VEGFD: variants seen among roughly 807,000 people sequenced by gnomAD.
VEGFD encodes the protein vascular endothelial growth factor D, also known as c-fos induced growth factor (vascular endothelial growth factor D).
In VEGFD, 26 loss-of-function variants were observed where a neutral mutation model predicts 28.0. The observed-to-expected ratio is 0.93, with a 90% confidence interval of 0.68 to 1.29. VEGFD has a LOEUF of 1.29. Ranked by LOEUF, VEGFD falls within the 50% of genes most tolerant of loss-of-function variation. VEGFD has a pLI of 0.00. For missense variants in VEGFD, 294 were observed against 273.4 expected, an observed-to-expected ratio of 1.08 and a Z score of -0.53; for synonymous variants, 93 against 95.5, an observed-to-expected ratio of 0.97 and a Z score of 0.15.
chrX:15,372,601 A>T (rs1467053565), intron 1 of VEGFD, among the ~76,000 whole-genome samples: 1 of 110,961 alleles, frequency 9.0e-6, no homozygotes. Flanking sequence ...TTTAAAAAAA[A>T]ACTTCCCAGG....
rs1277535983 is a variant in VEGFD at position 15,347,072 on chromosome X, G to C, written c.938+92C>G. 6 of 866,460 alleles carry C rather than the reference G, an allele frequency of 6.9e-6. No individual in the cohort carries two copies. In the African/African-American group the frequency reaches 1.0e-4, roughly 15 times the overall value. The allele number at this position is 866,460 out of a possible 1,213,427, so 71.4% of individuals were successfully genotyped here. ...TCCAAAAGGGACTCAGGCACCAAGG[G>C]GAAAAATTAGCTTACTAAGGAATCC... On this transcript the variant is annotated intron_variant, in intron 6 of 6. Coordinates refer to ENST00000297904, the MANE Select transcript of VEGFD (RefSeq NM_004469.5).
intron 5 of VEGFD, 114 bp from the exon 6 acceptor site, chrX:15,347,473 T>C: frequency 1.9e-6 from 1 of 530,718 alleles, no homozygotes. Context: ...CCCAATCTCC[T>C]TCCTATAGAT....
chrX:15,363,251 T>C lies in VEGFD; in HGVS notation c.159A>G (p.Leu53=). ...QIRAASSLEE[L]LRITHSEDWK... ...AGTCCTCAGAGTGAGTAATTCGAAGTAGTTCCTCCAAACTAGAAGCAGCCC... is the reference window on the plus strand; with the variant it reads ...AGTCCTCAGAGTGAGTAATTCGAAGCAGTTCCTCCAAACTAGAAGCAGCCC... Residue 53 remains leucine (L), a synonymous_variant, in exon 2 of 7, where the codon CTA becomes CTG. Coordinates refer to ENST00000297904, the MANE Select transcript of VEGFD (RefSeq NM_004469.5). The C allele has an allele frequency of 8.3e-7, 1 of 1,211,382 alleles. No homozygotes were observed. Among genetic ancestry groups the C allele is most frequent in the Non-Finnish European group, 1.1e-6 (1 of 895,150 alleles).
intron 1 of VEGFD, among the ~76,000 whole-genome samples, chrX:15,377,442 AT>A (rs1307628743): frequency 8.9e-6 from 1 of 111,773 alleles, no homozygotes; most frequent in Non-Finnish European, 1.9e-5. Flanking sequence ...AAATCAGTGA[AT>A]TTTTTTTATT....
At chrX:15,351,176 C>T (rs1261457794) in intron 5 of VEGFD, among the ~76,000 whole-genome samples, 2 of 89,905 alleles carry the variant, frequency 2.2e-5, no homozygotes, top group East Asian at 3.5e-4. Context: ...AGTGCAGTGG[C>T]GGGATCTCGG....
At chrX:15,359,013 G>T (rs1435536614) in intron 2 of VEGFD, among the ~76,000 whole-genome samples, 5 of 111,495 alleles carry the variant, frequency 4.5e-5, no homozygotes, top group African/African-American at 6.5e-5. Context: ...ACAACACAAA[G>T]ACTTCCTTGT....
At chrX:15,371,079 C>T (rs1017238834) in intron 1 of VEGFD, among the ~76,000 whole-genome samples, 4 of 111,511 alleles carry the variant, frequency 3.6e-5, no homozygotes, top group African/African-American at 9.8e-5. Context: ...ATTGTCATAC[C>T]AGGAAATGAG....
At chrX:15,351,167 G>C (rs1185026889) in intron 5 of VEGFD, among the ~76,000 whole-genome samples, 1 of 90,997 alleles carries the variant, frequency 1.1e-5, no homozygotes, top group African/African-American at 4.1e-5. Context: ...CCAGGCTGGA[G>C]TGCAGTGGCG....
intron 5 of VEGFD, among the ~76,000 whole-genome samples, chrX:15,351,116 T>C (rs1922708931): frequency 2.1e-5 from 2 of 93,379 alleles, no homozygotes; most frequent in African/African-American, 7.8e-5. Context: ...GTTTTCTTTT[T>C]TTTTTTTTTC....
intron 1 of VEGFD, among the ~76,000 whole-genome samples, chrX:15,374,293 T>C (rs754809643): frequency 8.9e-6 from 1 of 112,357 alleles, no homozygotes; most frequent in Admixed American, 9.5e-5. Flanking sequence ...AGTAGCTTTA[T>C]TCACAATAGC....
chrX:15,353,456 C>A (rs1249155247), intron 4 of VEGFD, among the ~76,000 whole-genome samples: 4 of 112,377 alleles, frequency 3.6e-5, no homozygotes, highest in Non-Finnish European at 5.6e-5. Flanking sequence ...TTTAAAGGAG[C>A]GGGCCAGGTG....
intron 6 of VEGFD, among the ~76,000 whole-genome samples, chrX:15,346,806 C>T (rs1484453444): frequency 9.0e-6 from 1 of 110,733 alleles, no homozygotes; most frequent in Non-Finnish European, 1.9e-5. Flanking sequence ...TGGCACGTGC[C>T]TGTAATCCCA....
chrX:15,348,601 T>C (rs1922612955), intron 5 of VEGFD, among the ~76,000 whole-genome samples: 1 of 112,487 alleles, frequency 8.9e-6, no homozygotes, highest in Admixed American at 9.4e-5. Context: ...GTTGCCCTGA[T>C]ATTCCAGTGC....
chrX:15,350,739 T>A (rs74619491), intron 5 of VEGFD, among the ~76,000 whole-genome samples: 24 of 104,536 alleles, frequency 2.3e-4, no homozygotes, highest in South Asian at 4.5e-4. Flanking sequence ...CTTTCTATCC[T>A]TCCTTCCTTC....
chrX:15,366,799 A>G (rs1373327268), intron 1 of VEGFD, among the ~76,000 whole-genome samples: 1 of 112,116 alleles, frequency 8.9e-6, no homozygotes, highest in Non-Finnish European at 1.9e-5. Flanking sequence ...CTGAAGCTAA[A>G]TTTTTGATGG....
chrX:15,350,811 T>TTCTTTC (rs1922682227), intron 5 of VEGFD, among the ~76,000 whole-genome samples: 3 of 101,150 alleles, frequency 3.0e-5, no homozygotes, highest in South Asian at 4.7e-4. Context: ...CTTTCTTTCT[T>TTCTTTC]TCTCTCTCTC....
chrX:15,372,951 G>A (rs183821146), intron 1 of VEGFD, among the ~76,000 whole-genome samples: 2 of 111,400 alleles, frequency 1.8e-5, no homozygotes, highest in African/African-American at 6.5e-5. Context: ...CAACAATATC[G>A]CTTTTCAGGC....
intron 1 of VEGFD, 139 bp from the exon 2 acceptor site, chrX:15,363,458 A>G: frequency 1.2e-5 from 6 of 503,960 alleles, no homozygotes; most frequent in Non-Finnish European, 1.9e-5. Context: ...AGTGCCTAGG[A>G]AAAAGGATAT....
intron 1 of VEGFD, among the ~76,000 whole-genome samples, chrX:15,383,354 T>C (rs1357771951): frequency 8.9e-6 from 1 of 112,132 alleles, no homozygotes; most frequent in East Asian, 2.8e-4. Context: ...AACCAAACAC[T>C]CTCTGAGAAA....
Sources: gnomAD v4.1 joint callset for allele counts (sites outside exome capture counted in the v4.1 genomes callset) on GRCh38, gnomAD v4.1.1 for gene constraint, MANE v1.5 for transcripts, NCBI Gene and HGNC (gene_info 2026-07-23, HGNC 2026-07-21) for gene names.